ESYT2: variants seen among roughly 807,000 people sequenced by gnomAD.
ESYT2 encodes extended synaptotagmin-2.
In ESYT2, 54 loss-of-function variants were observed where a neutral mutation model predicts 107.2. The observed-to-expected ratio is 0.50, with a 90% CI of 0.40 to 0.63. ESYT2 has a LOEUF of 0.63. Among genes scored for constraint, ESYT2 ranks in the 30% least tolerant of loss-of-function variants. ESYT2 has a pLI of 0.00. For missense variants in ESYT2, 1,020 were observed against 1,094.5 expected, an observed-to-expected ratio of 0.93 and a Z score of 0.96; for synonymous variants, 491 against 434.1, an observed-to-expected ratio of 1.13 and a Z score of -1.63.
chr7:158,740,067 G>A (rs976748901), intron 18 of ESYT2, among the ~76,000 whole-genome samples: 1 of 152,216 alleles, frequency 6.6e-6, no homozygotes, highest in African/African-American at 2.4e-5. Flanking sequence ...TCCTGATCCA[G>A]ATGCTGACTC....
chr7:158,761,232 G>A (rs964491457), intron 11 of ESYT2, among the ~76,000 whole-genome samples: 1 of 152,180 alleles, frequency 6.6e-6, no homozygotes, highest in Non-Finnish European at 1.5e-5. Flanking sequence ...CTGCAATAAC[G>A]TCAGTTTATG....
intron 7 of ESYT2, among the ~76,000 whole-genome samples, chr7:158,769,536 T>C (rs1179718094): frequency 1.3e-5 from 2 of 152,258 alleles, no homozygotes; most frequent in East Asian, 3.8e-4. Flanking sequence ...GGTTACTTTC[T>C]TGGGAGTCAC....
chr7:158,792,760 TG>T lies in ESYT2; in HGVS notation c.584+889del, dbSNP rs1219512488. Among the ~76,000 whole-genome samples the T allele has an allele frequency of 5.0e-4, 70 of 138,824 alleles. 1 individual carries two copies. Among genetic ancestry groups the T allele is most frequent in the African/African-American group, 1.6e-3 (57 of 35,824 alleles). 91.1% of individuals were successfully genotyped at this position (138,824 alleles called of 152,430 possible). A position where few individuals can be genotyped will look rare whatever the true frequency, so the allele number is the denominator to read the frequency against. On this transcript the variant is annotated intron_variant, in intron 4 of 22. Transcript: ENST00000275418. ...CAGTTTTTAACCACTGAGTATAACG[TG>T]GGGTTTTTTTTTTTTTTTTTTTTTT...
chr7:158,786,602 C>T (rs981894399), intron 6 of ESYT2, among the ~76,000 whole-genome samples: 1 of 152,080 alleles, frequency 6.6e-6, no homozygotes, highest in South Asian at 2.1e-4. Context: ...AAAATCAGAA[C>T]AATTATTTTA....
chr7:158,744,616 A>G (rs1837337325), intron 16 of ESYT2, among the ~76,000 whole-genome samples: 1 of 152,204 alleles, frequency 6.6e-6, no homozygotes, highest in South Asian at 2.1e-4. Context: ...CTCTCATCTC[A>G]GCCTCCCAAA....
intron 6 of ESYT2, among the ~76,000 whole-genome samples, chr7:158,787,507 G>A (rs1839152581): frequency 6.6e-6 from 1 of 152,196 alleles, no homozygotes; most frequent in Non-Finnish European, 1.5e-5. Flanking sequence ...GGAGAAGAGG[G>A]AGGTTTACAG....
chr7:158,767,617 T>G, intron 8 of ESYT2, 37 bp downstream of exon 8: 2 of 1,594,552 alleles, frequency 1.3e-6, no homozygotes, highest in Non-Finnish European at 1.7e-6. Flanking sequence ...GTCTCCAAGA[T>G]GTTTTTAAAT....
At chr7:158,799,095 T>C (rs764587140) in intron 1 of ESYT2, 23 bp from the exon 2 acceptor site, 2 of 1,607,786 alleles carry the variant, frequency 1.2e-6, no homozygotes, top group African/African-American at 1.3e-5. Context: ...TACACACATA[T>C]GACTTATTAA....
intron 1 of ESYT2, among the ~76,000 whole-genome samples, chr7:158,813,987 TACTCAGGCCAG>T (rs1840062988): frequency 6.6e-6 from 1 of 152,024 alleles, no homozygotes; most frequent in Non-Finnish European, 1.5e-5. Context: ...AAATATATGT[TACTCAGGCCAG>T]ACGCGGTGGC....
At chr7:158,746,229 GAC>G (rs55828446) in intron 16 of ESYT2, among the ~76,000 whole-genome samples, 15,819 of 147,874 alleles carry the variant, frequency 0.11, 859 homozygotes, top group African/African-American at 0.13. Flanking sequence ...TACATAAATA[GAC>G]ACACACACAC....
chr7:158,783,428 A>C (rs1838996620), intron 6 of ESYT2, among the ~76,000 whole-genome samples: 2 of 152,178 alleles, frequency 1.3e-5, no homozygotes, highest in East Asian at 1.9e-4. Context: ...GTCTGTTGGA[A>C]ATACAAACTC....
At chr7:158,757,996 A>T (rs1837825973) in intron 13 of ESYT2, among the ~76,000 whole-genome samples, 5 of 152,240 alleles carry the variant, frequency 3.3e-5, no homozygotes, top group Non-Finnish European at 1.5e-5. Flanking sequence ...CTGTGGAAAG[A>T]TTAAATACTT....
chr7:158,754,953 A>C (rs1837702358), intron 13 of ESYT2, among the ~76,000 whole-genome samples: 1 of 152,198 alleles, frequency 6.6e-6, no homozygotes, highest in Non-Finnish European at 1.5e-5. Context: ...GTATGCTGTC[A>C]TATCAGGCTT....
At chr7:158,800,186 T>C (rs1413446336) in intron 1 of ESYT2, among the ~76,000 whole-genome samples, 1 of 151,108 alleles carries the variant, frequency 6.6e-6, no homozygotes, top group Non-Finnish European at 1.5e-5. Flanking sequence ...GTAGCTGGGA[T>C]TGCAGGCACC....
intron 17 of ESYT2, among the ~76,000 whole-genome samples, chr7:158,742,399 G>C (rs544190818): frequency 2.6e-5 from 4 of 152,270 alleles, no homozygotes; most frequent in African/African-American, 9.6e-5. Flanking sequence ...ACACTTCTGC[G>C]TATTCCTCTA....
At chr7:158,800,734 C>T (rs58067542) in intron 1 of ESYT2, among the ~76,000 whole-genome samples, 19,005 of 117,152 alleles carry the variant, frequency 0.16, 2,090 homozygotes, top group East Asian at 0.61. Flanking sequence ...CTTTTCTTTT[C>T]TTTTTTTTTT....
intron 13 of ESYT2, among the ~76,000 whole-genome samples, chr7:158,756,914 T>TAAAAA (rs201326042): frequency 3.0e-5 from 3 of 98,798 alleles, no homozygotes; most frequent in African/African-American, 8.1e-5. Context: ...CATCTCAAAT[T>TAAAAA]AAAAAAAAAA....
intron 7 of ESYT2, among the ~76,000 whole-genome samples, chr7:158,772,897 A>AAT (rs1838424117): frequency 6.6e-6 from 1 of 151,806 alleles, no homozygotes; most frequent in South Asian, 2.1e-4. Context: ...TAAAAGTTAA[A>AAT]AAAAAAAAAA....
At chr7:158,744,800 A>G (rs1029802035) in intron 16 of ESYT2, among the ~76,000 whole-genome samples, 6 of 152,250 alleles carry the variant, frequency 3.9e-5, no homozygotes, top group Non-Finnish European at 8.8e-5. Context: ...AAATGGTCAG[A>G]GAAATTAACA....
Sources: gnomAD v4.1 joint callset for allele counts (sites outside exome capture counted in the v4.1 genomes callset) on GRCh38, gnomAD v4.1.1 for gene constraint, MANE v1.5 for transcripts, NCBI Gene and HGNC (gene_info 2026-07-23, HGNC 2026-07-21) for gene names.